Variants in PALM observed in about 807,000 individuals in gnomAD.
PALM encodes paralemmin.
In PALM, 18 loss-of-function variants were observed where a neutral mutation model predicts 30.7. The observed-to-expected ratio is 0.59, with a 90% CI of 0.41 to 0.87. The LOEUF is 0.87. Among genes scored for constraint, PALM ranks in the 40% least tolerant of loss-of-function variants. The probability of loss-of-function intolerance (pLI) is 0.00; values close to 1 mark genes in which losing one functional copy is unlikely to be tolerated. For synonymous variants in PALM, 286 were observed against 242.8 expected (o/e 1.18, Z -1.66); for missense variants, 529 against 555.4 (o/e 0.95, Z 0.48).
At chr19:726,117 G>C (rs1278391445) in intron 1 of PALM, 21 bp from the exon 2 acceptor site, 3 of 1,606,098 alleles carry the variant, frequency 1.9e-6, no homozygotes, top group Non-Finnish European at 2.6e-6. Context: ...ACCAGAGCTT[G>C]ACCTTATCTC....
intron 1 of PALM, among the ~76,000 whole-genome samples, chr19:717,153 C>T (rs1050046141): frequency 6.6e-6 from 1 of 152,224 alleles, no homozygotes; most frequent in African/African-American, 2.4e-5. Flanking sequence ...TGGTCTCAAT[C>T]TCTTGACCTT....
intron 8 of PALM, among the ~76,000 whole-genome samples, chr19:745,431 C>T (rs2033310185): frequency 1.3e-5 from 2 of 152,138 alleles, no homozygotes; most frequent in African/African-American, 2.4e-5. Context: ...CGGTGGCTCA[C>T]GCCTGTCATC....
intron 4 of PALM, 151 bp from the exon 5 acceptor site, chr19:730,944 C>G: frequency 5.3e-6 from 3 of 561,472 alleles, no homozygotes; most frequent in Non-Finnish European, 9.5e-6. Flanking sequence ...GAGGTTGCAG[C>G]GAGCCAAGAT....
chr19:714,520 G>C (rs1337827754), intron 1 of PALM, among the ~76,000 whole-genome samples: 1 of 150,398 alleles, frequency 6.6e-6, no homozygotes. Flanking sequence ...CACCACGCCC[G>C]GCTAATTTTT....
chr19:727,313 T>C (rs1599149698), intron 3 of PALM, among the ~76,000 whole-genome samples: 1 of 110,164 alleles, frequency 9.1e-6, no homozygotes, highest in African/African-American at 3.6e-5. Context: ...ACCCTGACCC[T>C]GATCTCAGTC....
At position 734,584 on chromosome 19, in the gene PALM, A is replaced by G. The variant is rs531294413; in HGVS notation, c.442+390A>G. On this transcript the variant is annotated intron_variant, in intron 6 of 8. Transcript: ENST00000338448. ...CCGCCGGCCAGGCCCAGTGGCTCAG[A>G]CCTGTAACCCCAGCGCTCTGGGAGG... 128 of 228,166 alleles carry G rather than the reference A, an allele frequency of 5.6e-4. 1 individual carries two copies. Among genetic ancestry groups the G allele is most frequent in the African/African-American group, 2.9e-3 (120 of 41,978 alleles). 14.1% of individuals were successfully genotyped at this position (228,166 alleles called of 1,614,324 possible). A position where few individuals can be genotyped will look rare whatever the true frequency, so the allele number is the denominator to read the frequency against.
chr19:728,861 A>G (rs1023438508), intron 4 of PALM, among the ~76,000 whole-genome samples: 6 of 151,970 alleles, frequency 3.9e-5, no homozygotes, highest in African/African-American at 9.7e-5. Context: ...AAAATTAGCC[A>G]GGCGTGGTGG....
chr19:725,821 T>G (rs1275293709), intron 1 of PALM, among the ~76,000 whole-genome samples: 1 of 152,130 alleles, frequency 6.6e-6, no homozygotes, highest in East Asian at 1.9e-4. Context: ...ATACACTTCC[T>G]TCTTCCCGAA....
chr19:721,341 C>G (rs907460090), intron 1 of PALM, among the ~76,000 whole-genome samples: 2 of 152,126 alleles, frequency 1.3e-5, no homozygotes, highest in South Asian at 2.1e-4. Context: ...TCTCGGCTCA[C>G]TGCAACCTCC....
At chr19:719,244 G>T in intron 1 of PALM, 1 of 985,474 alleles carries the variant, frequency 1.0e-6, no homozygotes, top group East Asian at 1.1e-4. Flanking sequence ...TGCTCGCTGG[G>T]TGACCTTGGC....
chr19:746,939 T>G lies in PALM; in HGVS notation c.*125T>G. 1 of 640,144 alleles carries G rather than the reference T, an allele frequency of 1.6e-6. No individual in the cohort carries two copies. Among genetic ancestry groups the G allele is most frequent in the Middle Eastern group, 4.3e-4 (1 of 2,336 alleles). The allele number at this position is 640,144 out of a possible 1,614,324, so 39.7% of individuals were successfully genotyped here. On this transcript the variant is annotated 3_prime_UTR_variant, in exon 9 of 9. Transcript: ENST00000338448. The surrounding 1 kb of genome is among the most constrained non-coding windows in gnomAD (Gnocchi z 7.1). ...CCAGGACTTGGCGTGTTGTTACATGTTCCTTCCGAGTTTTCTTTCGCTGGA... is the reference window on the plus strand; with the variant it reads ...CCAGGACTTGGCGTGTTGTTACATGGTCCTTCCGAGTTTTCTTTCGCTGGA...
intron 1 of PALM, among the ~76,000 whole-genome samples, chr19:725,574 C>T (rs1340805717): frequency 6.6e-6 from 1 of 152,076 alleles, no homozygotes; most frequent in Non-Finnish European, 1.5e-5. Flanking sequence ...ACAAACAAAA[C>T]CACAATGATT....
At position 742,884 on chromosome 19, in the gene PALM, C is replaced by T. The variant is rs114117767; in HGVS notation, c.634+2401C>T. ...GAATTTGTGTGCAAGTATTTGTTCA[C>T]GCCCCTGCTTTCGAGGCCTTTGGGT... On this transcript the variant is annotated intron_variant, in intron 8 of 8. Coordinates refer to ENST00000338448, the MANE Select transcript of PALM (RefSeq NM_002579.3). This position sits in a 1 kb window ranked among gnomAD's most constrained non-coding sequence, Gnocchi z 5.5. Among the ~76,000 whole-genome samples, 1,121 of 152,278 alleles carry T rather than the reference C, an allele frequency of 7.4e-3. 16 individuals are homozygous for T. The highest frequency in any genetic ancestry group is 0.025 in the African/African-American group (1,058 of 41,560).
chr19:721,045 C>G (rs1272930751), intron 1 of PALM, among the ~76,000 whole-genome samples: 1 of 152,170 alleles, frequency 6.6e-6, no homozygotes, highest in African/African-American at 2.4e-5. Context: ...CCACGCTGTG[C>G]CCTCCCTGGA....
chr19:740,053 G>A (rs1051707597), intron 7 of PALM, among the ~76,000 whole-genome samples: 4 of 152,204 alleles, frequency 2.6e-5, no homozygotes, highest in African/African-American at 7.2e-5. Flanking sequence ...GTTTGGTGGC[G>A]AAACAGAGGA....
At chr19:727,525 G>A (rs1392964551) in intron 3 of PALM, 39 bp from the exon 4 acceptor site, 2 of 1,531,848 alleles carry the variant, frequency 1.3e-6, no homozygotes, top group African/African-American at 1.4e-5. Flanking sequence ...CCTGGCCCTG[G>A]TCCTGCCCAC....
At chr19:727,410 G>A (rs1195099872) in intron 3 of PALM, among the ~76,000 whole-genome samples, 154 bp from the exon 4 acceptor site, 2 of 151,200 alleles carry the variant, frequency 1.3e-5, no homozygotes. Flanking sequence ...CCTCGATTGT[G>A]ATTCTGACCT....
intron 1 of PALM, among the ~76,000 whole-genome samples, chr19:720,329 G>C (rs1363959704): frequency 6.6e-6 from 1 of 151,246 alleles, no homozygotes; most frequent in East Asian, 2.0e-4. Context: ...AGGGGCGAGG[G>C]GGGCGCATCC....
At chr19:730,603 C>T (rs532602960) in intron 4 of PALM, among the ~76,000 whole-genome samples, 13 of 152,278 alleles carry the variant, frequency 8.5e-5, no homozygotes, top group African/African-American at 2.4e-4. Flanking sequence ...GTTTGGATCC[C>T]GCCTCTGCTA....
Sources: gnomAD v4.1 joint callset for allele counts (sites outside exome capture counted in the v4.1 genomes callset) on GRCh38, gnomAD v4.1.1 for gene constraint, Gnocchi (gnomAD v3.1) non-coding constraint, MANE v1.5 for transcripts, NCBI Gene and HGNC (gene_info 2026-07-23, HGNC 2026-07-21) for gene names.